The following SLX4IP variants were observed in gnomAD, a reference collection of about 807,000 sequenced individuals.
The protein encoded by SLX4IP is SLX4 interacting protein, also known as protein SLX4IP.
SLX4IP carries 34 observed loss-of-function variants against 32.9 expected under a neutral mutation model. That is an observed-to-expected ratio of 1.03 (90% CI 0.79 to 1.38). The LOEUF (loss-of-function observed/expected upper bound fraction) is 1.38, where lower values mean the gene tolerates loss of function less well. Ranked by LOEUF, SLX4IP falls within the 40% of genes most tolerant of loss-of-function variation. The pLI, the probability that SLX4IP is intolerant of heterozygous loss-of-function variation, is 0.00. For missense variants in SLX4IP, 444 were observed against 479.0 expected, an observed-to-expected ratio of 0.93 and a Z score of 0.68; for synonymous variants, 172 against 171.7, an observed-to-expected ratio of 1.00 and a Z score of -0.01.
chr20:10,522,614 C>G (rs1035509799), intron 2 of SLX4IP, among the ~76,000 whole-genome samples: 2 of 152,154 alleles, frequency 1.3e-5, no homozygotes, highest in Non-Finnish European at 2.9e-5. Flanking sequence ...GCATTCTTAG[C>G]CAAGTGCCTT....
chr20:10,460,109 G>A (rs2065323934), intron 2 of SLX4IP, among the ~76,000 whole-genome samples: 1 of 152,180 alleles, frequency 6.6e-6, no homozygotes, highest in African/African-American at 2.4e-5. Flanking sequence ...GTGAAGGCAT[G>A]TAAGTGATGA....
At chr20:10,596,251 G>T (rs539161047) in intron 4 of SLX4IP, among the ~76,000 whole-genome samples, 4 of 151,936 alleles carry the variant, frequency 2.6e-5, no homozygotes, top group African/African-American at 7.2e-5. Context: ...TTAAGATGGG[G>T]TCTTGCTTTG....
intron 1 of SLX4IP, among the ~76,000 whole-genome samples, chr20:10,452,678 A>T (rs6133939): frequency 0.32 from 30,858 of 96,802 alleles, 4,247 homozygotes; most frequent in East Asian, 0.61. Context: ...AAAAAAAAAA[A>T]AAATATATAT....
Position 10,535,729 on chromosome 20 carries a change from G to A in SLX4IP, c.28-20502G>A, listed in dbSNP as rs149659497. 4.3e-3 allele frequency among the ~76,000 whole-genome samples: 658 copies of A among 152,324 alleles called. 7 individuals are homozygous for A. Among genetic ancestry groups the A allele is most frequent in the Middle Eastern group, 0.014 (4 of 294 alleles). ...AGGAGAGAATAATGGAACTACCTGT[G>A]TTGCATGCACATTCATGCTCCATCC... On this transcript the variant is annotated intron_variant, in intron 2 of 7. Transcript: ENST00000334534.
chr20:10,467,126 A>G (rs2065386766), intron 2 of SLX4IP, among the ~76,000 whole-genome samples: 1 of 152,232 alleles, frequency 6.6e-6, no homozygotes, highest in African/African-American at 2.4e-5. Flanking sequence ...AGTTTGCCTC[A>G]AGGAATCACT....
intron 6 of SLX4IP, among the ~76,000 whole-genome samples, chr20:10,618,686 G>A (rs901946068): frequency 6.6e-6 from 1 of 152,136 alleles, no homozygotes; most frequent in East Asian, 1.9e-4. Context: ...TTCTTTACAA[G>A]ACATGATGGG....
intron 1 of SLX4IP, among the ~76,000 whole-genome samples, chr20:10,450,856 A>C (rs187055939): frequency 2.8e-4 from 42 of 152,144 alleles, no homozygotes; most frequent in Admixed American, 9.2e-4. Flanking sequence ...GGTTCACGCC[A>C]TTCTCCTGCC....
rs2065941007 is a variant in SLX4IP, at chr20:10,526,397, T to A, written c.28-29834T>A. Among the ~76,000 whole-genome samples, 3 of 152,360 alleles carry A rather than the reference T, an allele frequency of 2.0e-5. No homozygotes were observed. The South Asian group carries it at 6.2e-4, about 32-fold the overall frequency. ...TTGGGTTTGGGTTTGTCAGCTGTCA[T>A]GATCCTTTTTGGGATGAGCTAGAAT... On this transcript the variant is annotated intron_variant, in intron 2 of 7. Coordinates refer to ENST00000334534, the MANE Select transcript of SLX4IP (RefSeq NM_001009608.3).
chr20:10,611,900 C>T (rs1243378329), intron 6 of SLX4IP, among the ~76,000 whole-genome samples: 5 of 152,172 alleles, frequency 3.3e-5, no homozygotes, highest in Admixed American at 1.3e-4. Context: ...CCATATCTAA[C>T]CATGATGGCA....
At chr20:10,478,539 A>G (rs1407176870) in intron 2 of SLX4IP, among the ~76,000 whole-genome samples, 2 of 152,242 alleles carry the variant, frequency 1.3e-5, no homozygotes, top group African/African-American at 2.4e-5. Flanking sequence ...ATCCTTGTCC[A>G]GTAATAACAC....
At chr20:10,562,186 G>C (rs2066340043) in intron 4 of SLX4IP, among the ~76,000 whole-genome samples, 1 of 152,202 alleles carries the variant, frequency 6.6e-6, no homozygotes, top group Non-Finnish European at 1.5e-5. Context: ...CTTATCTCAA[G>C]GACAGAGGGC....
At chr20:10,580,670 T>C (rs1198284645) in intron 4 of SLX4IP, among the ~76,000 whole-genome samples, 1 of 151,934 alleles carries the variant, frequency 6.6e-6, no homozygotes, top group East Asian at 1.9e-4. Context: ...ATAGTACTTA[T>C]ATGTGGTAGG....
At chr20:10,449,919 T>C (rs1260688390) in intron 1 of SLX4IP, among the ~76,000 whole-genome samples, 3 of 151,928 alleles carry the variant, frequency 2.0e-5, no homozygotes, top group Admixed American at 2.0e-4. Context: ...ATCTACATCG[T>C]AAATGTAGCT....
chr20:10,521,891 A>G (rs1360661820), intron 2 of SLX4IP, among the ~76,000 whole-genome samples: 1 of 152,262 alleles, frequency 6.6e-6, no homozygotes, highest in African/African-American at 2.4e-5. Flanking sequence ...ACTGTGAGCC[A>G]TAAGAAGTGC....
Position 10,510,768 on chromosome 20 carries a change from C to G in SLX4IP, c.28-45463C>G, listed in dbSNP as rs552071113. On this transcript the variant is annotated intron_variant, in intron 2 of 7. Coordinates refer to ENST00000334534, the MANE Select transcript of SLX4IP (RefSeq NM_001009608.3). The stretch of plus-strand genomic sequence containing the variant: ...TACAGGCGCCCACCACCATGCATGT[C>G]TAACTTTTTGTATTTTTAGTAGAGA... 7.9e-4 allele frequency among the ~76,000 whole-genome samples: 120 copies of G among 152,174 alleles called. 1 individual carries two copies. The highest frequency in any genetic ancestry group is 1.3e-3 in the Non-Finnish European group (88 of 67,986).
chr20:10,467,792 C>G (rs757716132), intron 2 of SLX4IP, among the ~76,000 whole-genome samples: 3 of 152,210 alleles, frequency 2.0e-5, no homozygotes, highest in Non-Finnish European at 4.4e-5. Flanking sequence ...TACCTTCTCA[C>G]TCTGTAAGGC....
chr20:10,542,997 G>C (rs539628096), intron 2 of SLX4IP, among the ~76,000 whole-genome samples: 1 of 152,178 alleles, frequency 6.6e-6, no homozygotes, highest in Non-Finnish European at 1.5e-5. Context: ...TCCCCATCCA[G>C]GTTGCTGTTT....
chr20:10,529,442 T>A (rs1002549974), intron 2 of SLX4IP, among the ~76,000 whole-genome samples: 1 of 151,766 alleles, frequency 6.6e-6, no homozygotes, highest in Non-Finnish European at 1.5e-5. Flanking sequence ...TACAAAAAAA[T>A]TAGCTGGGCA....
intron 6 of SLX4IP, among the ~76,000 whole-genome samples, chr20:10,602,302 C>CTCTCTGTA (rs1286928244): frequency 6.6e-6 from 1 of 150,586 alleles, no homozygotes; most frequent in Non-Finnish European, 1.5e-5. Flanking sequence ...CTCTCTCTCT[C>CTCTCTGTA]TCTCTGTCTC....
Sources: allele counts gnomAD v4.1 joint callset (sites outside exome capture counted in the v4.1 genomes callset), GRCh38; gene constraint gnomAD v4.1.1; transcripts MANE v1.5; gene names NCBI Gene and HGNC (gene_info 2026-07-23, HGNC 2026-07-21).